The following KAZN variants were observed in gnomAD, a reference collection of about 807,000 sequenced individuals.
KAZN encodes the protein kazrin, periplakin interacting protein, also known as kazrin.
KAZN carries 40 observed loss-of-function variants against 87.4 expected under a neutral mutation model. The observed-to-expected ratio is 0.46, with a 90% CI of 0.36 to 0.60. KAZN has a LOEUF of 0.60. KAZN is among the 20% of genes least tolerant of loss of function. The pLI is 0.00. For missense variants in KAZN, 898 were observed against 1,073.9 expected, an observed-to-expected ratio of 0.84 and a Z score of 2.29; for synonymous variants, 466 against 458.3, an observed-to-expected ratio of 1.02 and a Z score of -0.22.
chr1:14,331,801 T>C lies in KAZN; in HGVS notation c.249+151209T>C, dbSNP rs77149357. Among the ~76,000 whole-genome samples, 977 of 152,318 alleles carry C rather than the reference T, an allele frequency of 6.4e-3. 2 individuals carry two copies. The highest frequency in any genetic ancestry group is 0.011 in the Non-Finnish European group (743 of 68,026). On this transcript the variant is annotated intron_variant, in intron 2 of 16. Transcript: ENST00000636203. The stretch of plus-strand genomic sequence containing the variant: ...TAAATAACCATTTTCCCAATTTCCA[T>C]CATTTCCTTGCTTTTCTTCTTCTAT...
chr1:14,312,325 A>T (rs141350849), intron 2 of KAZN, among the ~76,000 whole-genome samples: 226 of 152,258 alleles, frequency 1.5e-3, no homozygotes, highest in Non-Finnish European at 2.6e-3. Context: ...AACAATAATA[A>T]CAATTAAAGC....
intron 1 of KAZN, among the ~76,000 whole-genome samples, chr1:14,898,702 T>C (rs74059657): frequency 0.015 from 2,283 of 152,200 alleles, 64 homozygotes; most frequent in African/African-American, 0.052. Context: ...TACTAGTAAG[T>C]GGCATGATAG....
intron 1 of KAZN, among the ~76,000 whole-genome samples, chr1:14,699,816 C>T (rs995260879): frequency 1.3e-5 from 2 of 152,160 alleles, no homozygotes; most frequent in Non-Finnish European, 2.9e-5. Flanking sequence ...AAATGCTCAC[C>T]ATGGCTAATT....
chr1:14,915,664 C>A (rs1657730680), intron 1 of KAZN, among the ~76,000 whole-genome samples: 2 of 152,180 alleles, frequency 1.3e-5, no homozygotes. Context: ...CTCCATAACC[C>A]CTGATGTGGG....
chr1:14,570,169 C>G (rs992254894), intron 2 of KAZN, among the ~76,000 whole-genome samples: 6 of 152,258 alleles, frequency 3.9e-5, no homozygotes, highest in African/African-American at 1.4e-4. Flanking sequence ...TCACGCTCCT[C>G]TCTCCTCAGT....
chr1:14,158,034 G>T (rs2101817920), intron 1 of KAZN, among the ~76,000 whole-genome samples: 1 of 152,284 alleles, frequency 6.6e-6, no homozygotes, highest in East Asian at 1.9e-4. Context: ...ATTACAGTTT[G>T]AGATGAGATT....
intron 2 of KAZN, among the ~76,000 whole-genome samples, chr1:15,015,701 C>T (rs974739414): frequency 1.1e-4 from 17 of 152,178 alleles, no homozygotes; most frequent in Admixed American, 6.5e-4. Flanking sequence ...TGGGTCTGCT[C>T]CACAGGTCCT....
chr1:14,277,240 A>C (rs567145393), intron 2 of KAZN, among the ~76,000 whole-genome samples: 1 of 152,344 alleles, frequency 6.6e-6, no homozygotes, highest in East Asian at 1.9e-4. Context: ...ATTTTAAAGC[A>C]ACCCCATACA....
intron 1 of KAZN, among the ~76,000 whole-genome samples, chr1:14,882,869 C>T (rs993631689): frequency 1.3e-5 from 2 of 152,090 alleles, no homozygotes; most frequent in African/African-American, 4.8e-5. Context: ...CCTCCTTAGA[C>T]AGATGAGGAC....
chr1:14,925,058 A>G (rs1225395148), intron 1 of KAZN, among the ~76,000 whole-genome samples: 7 of 152,228 alleles, frequency 4.6e-5, no homozygotes, highest in Non-Finnish European at 1.0e-4. Context: ...CGTTTCTCAT[A>G]CACTTGAACT....
At chr1:14,738,809 G>A (rs1230729150) in intron 1 of KAZN, among the ~76,000 whole-genome samples, 1 of 152,118 alleles carries the variant, frequency 6.6e-6, no homozygotes, top group East Asian at 1.9e-4. Flanking sequence ...ACAGGAAACT[G>A]AACCTCAGAG....
intron 2 of KAZN, among the ~76,000 whole-genome samples, chr1:15,016,596 A>G (rs1670131259): frequency 1.3e-5 from 2 of 152,082 alleles, no homozygotes; most frequent in Non-Finnish European, 2.9e-5. Flanking sequence ...TTGAGAATGC[A>G]TTTGTTTTAA....
rs535542124 is a variant in KAZN, at chr1:14,995,084, C to T, written c.418+34209C>T. On this transcript the variant is annotated intron_variant, in intron 2 of 14. Transcript: ENST00000376030. ...ACGCTGGGAAGGTTGGCTGGCCCCT[C>T]GGGAAGGGCAGCTGCCCTGGAGGAA... Among the ~76,000 whole-genome samples the T allele has an allele frequency of 7.9e-5, 12 of 152,290 alleles. No individual in the cohort carries two copies. The East Asian group carries it at 1.4e-3, about 17-fold the overall frequency.
chr1:14,128,982 A>G lies in KAZN; in HGVS notation c.92-51453A>G, dbSNP rs373295191. Among the ~76,000 whole-genome samples the G allele has an allele frequency of 5.9e-4, 90 of 152,336 alleles. No homozygotes were observed. The East Asian group carries it at 0.011, about 19-fold the overall frequency. On this transcript the variant is annotated intron_variant, in intron 1 of 16. Transcript: ENST00000636203. ...ATTCCATCTTTAAGGGAATTTTAAC[A>G]TAAGCCTAGCAGGTAATAAAGTGGA...
At chr1:14,656,902 T>C (rs1014609014) in intron 1 of KAZN, among the ~76,000 whole-genome samples, 3 of 152,144 alleles carry the variant, frequency 2.0e-5, no homozygotes, top group Admixed American at 2.0e-4. Flanking sequence ...CTTCAAACAA[T>C]GCAAAATCGT....
chr1:14,116,052 G>A (rs1032791019), intron 1 of KAZN, among the ~76,000 whole-genome samples: 1 of 152,092 alleles, frequency 6.6e-6, no homozygotes, highest in African/African-American at 2.4e-5. Context: ...TGCTGTTAAA[G>A]GCATTCAGTT....
chr1:14,400,054 G>C (rs1343439608), intron 2 of KAZN, among the ~76,000 whole-genome samples: 2 of 152,042 alleles, frequency 1.3e-5, no homozygotes, highest in Non-Finnish European at 2.9e-5. Flanking sequence ...TCCTACCCAA[G>C]CATGTAATGA....
intron 2 of KAZN, among the ~76,000 whole-genome samples, chr1:14,512,623 A>G (rs934939327): frequency 6.6e-6 from 1 of 152,190 alleles, no homozygotes; most frequent in Non-Finnish European, 1.5e-5. Flanking sequence ...ATAAAGCCCC[A>G]GAAAAGCTAA....
At chr1:14,394,657 A>G (rs1218896456) in intron 2 of KAZN, among the ~76,000 whole-genome samples, 1 of 152,164 alleles carries the variant, frequency 6.6e-6, no homozygotes, top group Non-Finnish European at 1.5e-5. Flanking sequence ...AACACTCTTC[A>G]CCACTAAGTG....
Sources: gnomAD v4.1 joint callset for allele counts (sites outside exome capture counted in the v4.1 genomes callset) on GRCh38, gnomAD v4.1.1 for gene constraint, MANE v1.5 for transcripts, NCBI Gene and HGNC (gene_info 2026-07-23, HGNC 2026-07-21) for gene names.